GALNTL6: variants seen among roughly 807,000 people sequenced by gnomAD.
GALNTL6 encodes polypeptide N-acetylgalactosaminyltransferase-like 6.
A neutral mutation model predicts 73.7 loss-of-function variants in GALNTL6; 46 were observed. The observed-to-expected ratio is 0.62, with a 90% CI of 0.49 to 0.80. GALNTL6 has a LOEUF of 0.80. Among genes scored for constraint, GALNTL6 ranks in the 30% least tolerant of loss-of-function variants. The probability of loss-of-function intolerance (pLI) is 0.00; values close to 1 mark genes in which losing one functional copy is unlikely to be tolerated. For synonymous variants in GALNTL6, 259 were observed against 263.7 expected, an observed-to-expected ratio of 0.98 and a Z score of 0.17; for missense variants, 604 against 755.0, an observed-to-expected ratio of 0.80 and a Z score of 2.34.
At chr4:173,024,115 A>G (rs1358709223) in intron 12 of GALNTL6, among the ~76,000 whole-genome samples, 1 of 152,202 alleles carries the variant, frequency 6.6e-6, no homozygotes, top group Admixed American at 6.5e-5. Flanking sequence ...GATGGATAAG[A>G]ACAACTAATA....
chr4:173,005,750 T>C (rs1752250126), intron 10 of GALNTL6, among the ~76,000 whole-genome samples: 1 of 152,188 alleles, frequency 6.6e-6, no homozygotes, highest in South Asian at 2.1e-4. Context: ...TCCAGCTGCC[T>C]ACCTTATCCT....
At chr4:172,912,447 A>T (rs1043838829) in intron 8 of GALNTL6, among the ~76,000 whole-genome samples, 3 of 152,266 alleles carry the variant, frequency 2.0e-5, no homozygotes, top group African/African-American at 7.2e-5. Context: ...GCAAGAGGTC[A>T]GGGAATTCCC....
intron 5 of GALNTL6, among the ~76,000 whole-genome samples, chr4:172,555,155 A>G (rs535081060): frequency 6.6e-6 from 1 of 152,266 alleles, no homozygotes; most frequent in Non-Finnish European, 1.5e-5. Context: ...TTAATTGGCC[A>G]TAGCAGGAAT....
chr4:172,125,786 T>C (rs1351036311), intron 2 of GALNTL6, among the ~76,000 whole-genome samples: 8 of 152,202 alleles, frequency 5.3e-5, no homozygotes, highest in African/African-American at 1.7e-4. Flanking sequence ...TGCATTTTCA[T>C]ATGTATAACT....
chr4:172,707,651 C>A (rs1439244938), intron 5 of GALNTL6, among the ~76,000 whole-genome samples: 3 of 152,160 alleles, frequency 2.0e-5, no homozygotes, highest in African/African-American at 7.2e-5. Flanking sequence ...TCAGACCTGT[C>A]AGGTCTATTG....
intron 5 of GALNTL6, among the ~76,000 whole-genome samples, chr4:172,543,698 GAATT>G (rs1432187374): frequency 1.3e-5 from 2 of 152,196 alleles, no homozygotes; most frequent in Non-Finnish European, 2.9e-5. Flanking sequence ...TCAACAGGGA[GAATT>G]AAGTGAACTG....
At chr4:172,051,012 TAA>T (rs1320287777) in intron 2 of GALNTL6, among the ~76,000 whole-genome samples, 1 of 152,154 alleles carries the variant, frequency 6.6e-6, no homozygotes, top group African/African-American at 2.4e-5. Context: ...AGGCACCTCA[TAA>T]GTTTCCTCCT....
At chr4:171,988,583 C>A (rs915276811) in intron 2 of GALNTL6, among the ~76,000 whole-genome samples, 1 of 152,058 alleles carries the variant, frequency 6.6e-6, no homozygotes, top group African/African-American at 2.4e-5. Context: ...GGTTTGGCAC[C>A]ACGGGGTGGA....
chr4:172,028,482 C>A (rs1372557740), intron 2 of GALNTL6, among the ~76,000 whole-genome samples: 1 of 151,684 alleles, frequency 6.6e-6, no homozygotes, highest in Non-Finnish European at 1.5e-5. Context: ...ATAAATTTGG[C>A]CAAATGTAAG....
In GALNTL6 at chr4:172,417,648, C is replaced by CA. The variant is rs199797421; in HGVS notation, c.553+68967dup. ...TGGGTGGCAGAGTGAGACCCTGTCT[C>CA]AAAAAAAATAATAAAAAAATTAAAA... On this transcript the variant is annotated intron_variant, in intron 5 of 12. Coordinates refer to ENST00000506823, the MANE Select transcript of GALNTL6 (RefSeq NM_001034845.3). Among the ~76,000 whole-genome samples, 1,354 of 150,938 alleles carry CA rather than the reference C, an allele frequency of 9.0e-3. 22 individuals are homozygous for CA. The highest frequency in any genetic ancestry group is 0.031 in the African/African-American group (1,291 of 41,152).
chr4:172,697,356 G>T (rs928260683), intron 5 of GALNTL6, among the ~76,000 whole-genome samples: 12 of 152,154 alleles, frequency 7.9e-5, no homozygotes, highest in African/African-American at 2.9e-4. Context: ...CCAAACTGCT[G>T]TTAAATCAGG....
chr4:172,092,875 C>CTTTTTT (rs201817743), intron 2 of GALNTL6, among the ~76,000 whole-genome samples: 4 of 130,348 alleles, frequency 3.1e-5, no homozygotes, highest in Non-Finnish European at 5.0e-5. Context: ...TTTTTCTTTT[C>CTTTTTT]TTTTTTTTTT....
intron 2 of GALNTL6, among the ~76,000 whole-genome samples, chr4:171,884,421 T>C (rs937916209): frequency 6.6e-6 from 1 of 152,168 alleles, no homozygotes; most frequent in African/African-American, 2.4e-5. Context: ...TATTAGATAC[T>C]GTTATTATCA....
At chr4:171,997,662 G>C (rs1277685314) in intron 2 of GALNTL6, among the ~76,000 whole-genome samples, 2 of 152,124 alleles carry the variant, frequency 1.3e-5, no homozygotes, top group African/African-American at 2.4e-5. Context: ...ACCATGGTAA[G>C]TCAGAGACCA....
intron 2 of GALNTL6, among the ~76,000 whole-genome samples, chr4:172,222,629 T>A (rs750435302): frequency 3.3e-5 from 5 of 151,920 alleles, no homozygotes; most frequent in Non-Finnish European, 5.9e-5. Context: ...TGCAACTCTC[T>A]CTACGAGCCT....
chr4:172,693,585 C>A (rs970636294), intron 5 of GALNTL6, among the ~76,000 whole-genome samples: 1 of 152,224 alleles, frequency 6.6e-6, no homozygotes, highest in African/African-American at 2.4e-5. Context: ...TAACTCACCC[C>A]AGTCTGGTTC....
At chr4:172,603,942 C>A (rs1389572391) in intron 5 of GALNTL6, among the ~76,000 whole-genome samples, 2 of 152,128 alleles carry the variant, frequency 1.3e-5, no homozygotes, top group South Asian at 4.1e-4. Flanking sequence ...CCTCAGAAAG[C>A]ATCCCAAACT....
At chr4:171,971,147 T>C (rs1400239889) in intron 2 of GALNTL6, among the ~76,000 whole-genome samples, 1 of 152,176 alleles carries the variant, frequency 6.6e-6, no homozygotes, top group Non-Finnish European at 1.5e-5. Context: ...ACAGAAAACA[T>C]GCAAAGTTTA....
At chr4:172,862,354 C>G (rs928370262) in intron 7 of GALNTL6, among the ~76,000 whole-genome samples, 2 of 152,128 alleles carry the variant, frequency 1.3e-5, no homozygotes, top group African/African-American at 2.4e-5. Context: ...TTTAGGGTAT[C>G]AGGCAGAAGA....
Sources: gnomAD v4.1 joint callset for allele counts (sites outside exome capture counted in the v4.1 genomes callset) on GRCh38, gnomAD v4.1.1 for gene constraint, MANE v1.5 for transcripts, NCBI Gene and HGNC (gene_info 2026-07-23, HGNC 2026-07-21) for gene names.